Variants in TRIO observed in about 807,000 individuals in gnomAD.
The protein encoded by TRIO is triple functional domain protein.
TRIO carries 58 observed loss-of-function variants against 351.9 expected under a neutral mutation model. The ratio of observed to expected loss-of-function variants is 0.16; its 90% CI spans 0.13 to 0.21. TRIO has a LOEUF of 0.21. TRIO is among the 10% of genes least tolerant of loss of function. TRIO has a pLI of 1.00. For missense variants in TRIO, 3,201 were observed against 4,027.8 expected, an observed-to-expected ratio of 0.79 and a Z score of 5.56; for synonymous variants, 1,758 against 1,595.7, an observed-to-expected ratio of 1.10 and a Z score of -2.42.
chr5:14,199,108 G>T (rs1411490903), intron 1 of TRIO, among the ~76,000 whole-genome samples: 1 of 142,022 alleles, frequency 7.0e-6, no homozygotes, highest in African/African-American at 2.6e-5. Flanking sequence ...ATGATGGCAG[G>T]TGCCTGTAAT....
At chr5:14,155,500 C>T (rs1361233761) in intron 1 of TRIO, among the ~76,000 whole-genome samples, 1 of 152,194 alleles carries the variant, frequency 6.6e-6, no homozygotes, top group Non-Finnish European at 1.5e-5. Context: ...CAGGATCTCA[C>T]TCAGGACCAT....
chr5:14,490,050 G>A (rs1049108873), intron 48 of TRIO, among the ~76,000 whole-genome samples: 1 of 152,142 alleles, frequency 6.6e-6, no homozygotes, highest in South Asian at 2.1e-4. Flanking sequence ...AGGCCGAGAC[G>A]GGCAGATCAC....
intron 36 of TRIO, 100 bp downstream of exon 36, chr5:14,463,025 C>G: frequency 7.2e-7 from 1 of 1,396,446 alleles, no homozygotes; most frequent in Non-Finnish European, 9.4e-7. Context: ...AGACAGGAGG[C>G]CCCAAGATGT....
intron 6 of TRIO, among the ~76,000 whole-genome samples, chr5:14,294,421 ATTTG>A (rs1737168287): frequency 1.3e-5 from 2 of 152,240 alleles, no homozygotes; most frequent in African/African-American, 2.4e-5. Flanking sequence ...ATAGATAAAA[ATTTG>A]TTTGTAAAAA....
chr5:14,465,519 C>T lies in TRIO; in HGVS notation c.5668-26C>T, dbSNP rs79312837. ...ACTAATGTGAGCCCTTGCCCCACCC[C>T]CTCCTTTTCTTAATTTCTTCTGTAG... On this transcript the variant is annotated intron_variant, in intron 36 of 56. Transcript: ENST00000344204. 0.015 allele frequency: 24,747 copies of T among 1,612,606 alleles called. 234 individuals are homozygous for T. Among genetic ancestry groups the T allele is most frequent in the Non-Finnish European group, 0.018 (21,135 of 1,178,712 alleles).
chr5:14,456,191 C>T (rs1038354427), intron 34 of TRIO, among the ~76,000 whole-genome samples: 2 of 152,264 alleles, frequency 1.3e-5, no homozygotes, highest in African/African-American at 4.8e-5. Context: ...ACACGCCCAC[C>T]TGGAACTCTT....
chr5:14,257,614 C>T (rs1795100949), intron 1 of TRIO, among the ~76,000 whole-genome samples: 1 of 152,092 alleles, frequency 6.6e-6, no homozygotes. Flanking sequence ...TCCCGAGTGG[C>T]TTGACTTTCC....
At chr5:14,237,050 G>C (rs188882688) in intron 1 of TRIO, among the ~76,000 whole-genome samples, 1 of 152,326 alleles carries the variant, frequency 6.6e-6, no homozygotes, top group African/African-American at 2.4e-5. Context: ...CAGCATTAGA[G>C]AGTTATTCTC....
At position 14,239,594 on chromosome 5, in the gene TRIO, G is replaced by T. The variant is rs1794005216; in HGVS notation, c.158-31231G>T. 2.0e-5 allele frequency among the ~76,000 whole-genome samples: 3 copies of T among 152,158 alleles called. No homozygotes were observed. The East Asian group carries it at 5.8e-4, about 29-fold the overall frequency. On this transcript the variant is annotated intron_variant, in intron 1 of 56. Transcript: ENST00000344204. ...CAGATGCTGCTGCCCCACTTTACAG[G>T]TAGGGATTCTGAGGCATGGAGTGTT...
At chr5:14,193,543 A>G (rs1455369440) in intron 1 of TRIO, among the ~76,000 whole-genome samples, 1 of 152,184 alleles carries the variant, frequency 6.6e-6, no homozygotes, top group East Asian at 1.9e-4. Context: ...TAGTGTTTTC[A>G]AGTAATGGAA....
intron 8 of TRIO, among the ~76,000 whole-genome samples, chr5:14,305,736 G>T (rs1240870390): frequency 6.6e-6 from 1 of 152,188 alleles, no homozygotes; most frequent in Non-Finnish European, 1.5e-5. Context: ...TGCCTGTCTT[G>T]ACATCCTAGT....
At chr5:14,380,308 G>A (rs1179965881) in intron 20 of TRIO, among the ~76,000 whole-genome samples, 1 of 147,792 alleles carries the variant, frequency 6.8e-6, no homozygotes, top group Admixed American at 6.7e-5. Flanking sequence ...TTCGCGCCCC[G>A]CCTCCTCCTT....
chr5:14,479,833 T>C (rs866496453), intron 42 of TRIO, 86 bp from the exon 43 acceptor site: 6 of 1,211,476 alleles, frequency 5.0e-6, no homozygotes, highest in Middle Eastern at 3.8e-4. Flanking sequence ...CTGCCAGTGT[T>C]GTAGTCTTTC....
chr5:14,208,850 C>G (rs977323746), intron 1 of TRIO, among the ~76,000 whole-genome samples: 5 of 152,192 alleles, frequency 3.3e-5, no homozygotes, highest in Non-Finnish European at 7.4e-5. Context: ...AAGTGGAACT[C>G]TGAACCCTCT....
intron 1 of TRIO, among the ~76,000 whole-genome samples, chr5:14,190,225 C>T (rs545512133): frequency 8.5e-5 from 13 of 152,136 alleles, no homozygotes; most frequent in Admixed American, 3.3e-4. Context: ...ACTGCTTGTG[C>T]GGTGCCAGGC....
chr5:14,330,300 C>T (rs763625847), intron 9 of TRIO, among the ~76,000 whole-genome samples: 9 of 152,082 alleles, frequency 5.9e-5, no homozygotes, highest in Non-Finnish European at 1.3e-4. Context: ...TTAGGTTTTA[C>T]TTCATGTGTT....
chr5:14,347,439 C>T (rs964700487), intron 11 of TRIO, among the ~76,000 whole-genome samples: 1 of 152,242 alleles, frequency 6.6e-6, no homozygotes, highest in Non-Finnish European at 1.5e-5. Context: ...CTGGTGTCAC[C>T]GCCTGTAGGG....
At chr5:14,150,178 C>T (rs1787745577) in intron 1 of TRIO, among the ~76,000 whole-genome samples, 1 of 152,114 alleles carries the variant, frequency 6.6e-6, no homozygotes, top group Non-Finnish European at 1.5e-5. Context: ...TACAGCCATT[C>T]CATTAATGTT....
intron 9 of TRIO, among the ~76,000 whole-genome samples, chr5:14,330,283 G>A (rs1375629752): frequency 6.6e-6 from 1 of 152,174 alleles, no homozygotes; most frequent in Non-Finnish European, 1.5e-5. Flanking sequence ...ACTGAGGCAT[G>A]TAAGTGTTAG....
Sources: gnomAD v4.1 joint callset for allele counts (sites outside exome capture counted in the v4.1 genomes callset) on GRCh38, gnomAD v4.1.1 for gene constraint, MANE v1.5 for transcripts, NCBI Gene and HGNC (gene_info 2026-07-23, HGNC 2026-07-21) for gene names.